The following VEPH1 variants were observed in gnomAD, a reference collection of about 807,000 sequenced individuals.
VEPH1 encodes ventricular zone-expressed PH domain-containing protein homolog 1.
In VEPH1, 80 loss-of-function variants were observed where a neutral mutation model predicts 85.2. The ratio of observed to expected loss-of-function variants is 0.94; its 90% confidence interval spans 0.78 to 1.13. VEPH1 has a LOEUF of 1.13. Ranked by LOEUF, VEPH1 falls within the 50% of genes most tolerant of loss-of-function variation. The pLI, the probability that VEPH1 is intolerant of heterozygous loss-of-function variation, is 0.00. For missense variants in VEPH1, 955 were observed against 980.5 expected (o/e 0.97, Z 0.35); for synonymous variants, 297 against 348.0 (o/e 0.85, Z 1.63).
chr3:157,344,537 A>G (rs1191938763), intron 9 of VEPH1, among the ~76,000 whole-genome samples: 6 of 152,236 alleles, frequency 3.9e-5, no homozygotes, highest in Non-Finnish European at 8.8e-5. Flanking sequence ...GAGGATACAA[A>G]CAAATGGAAC....
chr3:157,385,502 T>G (rs1729201103), intron 6 of VEPH1, among the ~76,000 whole-genome samples: 1 of 152,174 alleles, frequency 6.6e-6, no homozygotes, highest in Non-Finnish European at 1.5e-5. Context: ...AAATAGGCAA[T>G]TTTTAAAATG....
At chr3:157,319,675 G>A (rs546727083) in intron 9 of VEPH1, among the ~76,000 whole-genome samples, 1 of 152,186 alleles carries the variant, frequency 6.6e-6, no homozygotes, top group African/African-American at 2.4e-5. Context: ...TTGTAAGTTG[G>A]ACTTTAGGCC....
chr3:157,294,407 G>T (rs1478829647), intron 11 of VEPH1, among the ~76,000 whole-genome samples: 1 of 152,172 alleles, frequency 6.6e-6, no homozygotes. Context: ...GCAAATAATG[G>T]TATGCTGTGA....
intron 9 of VEPH1, among the ~76,000 whole-genome samples, chr3:157,348,385 CTT>C (rs1364669841): frequency 1.3e-5 from 2 of 152,020 alleles, no homozygotes; most frequent in Admixed American, 1.3e-4. Context: ...TAAGAGTACT[CTT>C]TTCTCTGCAT....
intron 11 of VEPH1, among the ~76,000 whole-genome samples, chr3:157,304,568 A>G (rs533789601): frequency 6.6e-6 from 1 of 152,256 alleles, no homozygotes; most frequent in Non-Finnish European, 1.5e-5. Context: ...AAACGAAATT[A>G]TTAATAGTAA....
At chr3:157,428,255 A>T in intron 5 of VEPH1, 67 bp downstream of exon 5, 1 of 1,555,486 alleles carries the variant, frequency 6.4e-7, no homozygotes, top group Non-Finnish European at 8.8e-7. Flanking sequence ...CTAAGCACAT[A>T]CGCTGTTCAC....
intron 12 of VEPH1, 39 bp from the exon 13 acceptor site, chr3:157,265,701 C>T: frequency 6.2e-7 from 1 of 1,605,400 alleles, no homozygotes; most frequent in Non-Finnish European, 8.5e-7. Context: ...ATGTATTTTC[C>T]AATATTTACT....
intron 5 of VEPH1, among the ~76,000 whole-genome samples, chr3:157,419,521 A>G (rs1732173348): frequency 6.6e-6 from 1 of 152,236 alleles, no homozygotes; most frequent in Non-Finnish European, 1.5e-5. Flanking sequence ...GAACGTGAAT[A>G]GCCACTACTC....
intron 2 of VEPH1, among the ~76,000 whole-genome samples, chr3:157,479,185 C>T (rs1028229761): frequency 5.3e-5 from 8 of 152,040 alleles, no homozygotes; most frequent in South Asian, 2.1e-4. Context: ...TGTTTGGGCT[C>T]GACATTGGGT....
chr3:157,318,665 G>GGAAA lies in VEPH1; in HGVS notation c.1736-1468_1736-1465dup, dbSNP rs772078655. Among the ~76,000 whole-genome samples, 254 of 111,060 alleles carry GGAAA rather than the reference G, an allele frequency of 2.3e-3. 2 individuals are homozygous for GGAAA. Among genetic ancestry groups the GGAAA allele is most frequent in the Middle Eastern group, 0.02 (5 of 246 alleles). The allele number at this position is 111,060 out of a possible 152,430, so 72.9% of individuals were successfully genotyped here. On this transcript the variant is annotated intron_variant, in intron 9 of 13. Transcript: ENST00000362010. ...GAAAGAAAGAAAGAATGAAAGAAAA[G>GGAAA]GAAAGAAAGAAAGAAAGAAAATTAA...
intron 9 of VEPH1, among the ~76,000 whole-genome samples, chr3:157,355,004 G>A (rs928094165): frequency 6.6e-6 from 1 of 152,090 alleles, no homozygotes; most frequent in Admixed American, 6.5e-5. Flanking sequence ...TCCCCAGGGG[G>A]CCAACTTCCA....
chr3:157,477,759 T>C (rs7629184), intron 2 of VEPH1, among the ~76,000 whole-genome samples: 99,902 of 152,030 alleles, frequency 0.66, 33,469 homozygotes, highest in African/African-American at 0.79. Context: ...GGGATAGAAG[T>C]TATGCATCAT....
chr3:157,338,102 T>C (rs1195767180), intron 9 of VEPH1, among the ~76,000 whole-genome samples: 1 of 152,164 alleles, frequency 6.6e-6, no homozygotes, highest in African/African-American at 2.4e-5. Context: ...TCCTGATATT[T>C]TTCTACAGAT....
intron 3 of VEPH1, among the ~76,000 whole-genome samples, chr3:157,467,498 A>G (rs1736501326): frequency 6.6e-6 from 1 of 152,186 alleles, no homozygotes; most frequent in South Asian, 2.1e-4. Context: ...CATCCTTTCA[A>G]TGTTTACTGC....
chr3:157,490,147 T>C (rs946589958), intron 2 of VEPH1, among the ~76,000 whole-genome samples: 6 of 151,992 alleles, frequency 3.9e-5, no homozygotes, highest in Non-Finnish European at 7.4e-5. Context: ...AATTAATCTA[T>C]AGTTATAATA....
At position 157,277,129 on chromosome 3, in the gene VEPH1, G is replaced by T. The variant is rs1039214333; in HGVS notation, c.2128+9428C>A. ...TGATCTCCAACTCCTGGGATCAAGT[G>T]ATCCACCCACCTGGGCCTCCCAAAA... is the stretch of plus-strand genomic sequence containing the variant. On this transcript the variant is annotated intron_variant, in intron 12 of 13. Coordinates refer to ENST00000362010, the MANE Select transcript of VEPH1 (RefSeq NM_001167912.2). 3.9e-5 allele frequency among the ~76,000 whole-genome samples: 6 copies of T among 152,274 alleles called. No homozygotes were observed. The East Asian group carries it at 1.2e-3, about 29-fold the overall frequency.
At chr3:157,437,629 G>A (rs906109056) in intron 4 of VEPH1, 3 of 1,556,534 alleles carry the variant, frequency 1.9e-6, no homozygotes, top group African/African-American at 1.4e-5. Flanking sequence ...CGTCCTGCGG[G>A]GCGAGCTGCA....
intron 5 of VEPH1, among the ~76,000 whole-genome samples, chr3:157,420,357 G>A (rs1732236185): frequency 6.6e-6 from 1 of 151,960 alleles, no homozygotes; most frequent in Non-Finnish European, 1.5e-5. Context: ...AAAAAAAAGA[G>A]CAATTATGTA....
At chr3:157,417,484 A>C (rs144261908) in intron 5 of VEPH1, among the ~76,000 whole-genome samples, 117 of 152,274 alleles carry the variant, frequency 7.7e-4, no homozygotes, top group Middle Eastern at 3.4e-3. Flanking sequence ...CATAGCCCTT[A>C]AACTCCGATC....
Sources: gnomAD v4.1 joint callset for allele counts (sites outside exome capture counted in the v4.1 genomes callset) on GRCh38, gnomAD v4.1.1 for gene constraint, MANE v1.5 for transcripts, NCBI Gene and HGNC (gene_info 2026-07-23, HGNC 2026-07-21) for gene names.